ARFGEF3: variants seen among roughly 807,000 people sequenced by gnomAD.
ARFGEF3 encodes ARFGEF family member 3.
ARFGEF3 carries 96 observed loss-of-function variants against 221.7 expected under a neutral mutation model. That is an observed-to-expected ratio of 0.43 (90% CI 0.37 to 0.51). The LOEUF is 0.51. Ranked by LOEUF, ARFGEF3 falls within the 20% of genes least tolerant of loss-of-function variation. The probability of loss-of-function intolerance (pLI) is 0.00; values close to 1 mark genes in which losing one functional copy is unlikely to be tolerated. For synonymous variants in ARFGEF3, 1,145 were observed against 1,126.8 expected, an observed-to-expected ratio of 1.02 and a Z score of -0.32; for missense variants, 2,410 against 2,789.9, an observed-to-expected ratio of 0.86 and a Z score of 3.07.
chr6:138,271,107 G>A (rs868419971), intron 12 of ARFGEF3, among the ~76,000 whole-genome samples: 1 of 152,196 alleles, frequency 6.6e-6, no homozygotes, highest in African/African-American at 2.4e-5. Context: ...AATGGAGGAA[G>A]AGAAGTATTC....
intron 2 of ARFGEF3, among the ~76,000 whole-genome samples, chr6:138,186,652 G>T (rs2114458992): frequency 6.6e-6 from 1 of 152,288 alleles, no homozygotes; most frequent in South Asian, 2.1e-4. Context: ...TTAGACTCTT[G>T]TCACTGAGGA....
intron 12 of ARFGEF3, among the ~76,000 whole-genome samples, chr6:138,274,206 G>A (rs1583043527): frequency 2.0e-5 from 3 of 152,310 alleles, no homozygotes; most frequent in South Asian, 4.1e-4. Flanking sequence ...TATTACTGAT[G>A]TCTAAAATGA....
intron 2 of ARFGEF3, among the ~76,000 whole-genome samples, chr6:138,189,756 TCTC>T (rs1302329985): frequency 2.0e-5 from 3 of 152,146 alleles, no homozygotes; most frequent in South Asian, 2.1e-4. Flanking sequence ...CTAGATATCT[TCTC>T]CTCTTTGAAG....
At chr6:138,209,106 G>C (rs867742936) in intron 3 of ARFGEF3, among the ~76,000 whole-genome samples, 1 of 151,078 alleles carries the variant, frequency 6.6e-6, no homozygotes, top group Non-Finnish European at 1.5e-5. Flanking sequence ...TTGAGGTTTT[G>C]GGGGGGATGC....
chr6:138,327,201 T>C (rs1015743773), intron 31 of ARFGEF3, among the ~76,000 whole-genome samples: 1 of 152,194 alleles, frequency 6.6e-6, no homozygotes, highest in Non-Finnish European at 1.5e-5. Flanking sequence ...TAAGCCACCA[T>C]GACACATGTT....
chr6:138,213,916 T>A (rs915199499), intron 4 of ARFGEF3, among the ~76,000 whole-genome samples: 1 of 152,228 alleles, frequency 6.6e-6, no homozygotes, highest in Non-Finnish European at 1.5e-5. Flanking sequence ...GATGGTAACC[T>A]GACTTTGATA....
chr6:138,256,347 A>G (rs1327891321), intron 10 of ARFGEF3, among the ~76,000 whole-genome samples: 2 of 152,178 alleles, frequency 1.3e-5, no homozygotes, highest in East Asian at 3.9e-4. Flanking sequence ...TGCTTCAAAC[A>G]AAGATTCCTC....
intron 4 of ARFGEF3, chr6:138,217,369 G>A (rs1472230715): frequency 6.6e-6 from 1 of 152,146 alleles, no homozygotes; most frequent in South Asian, 2.1e-4. Flanking sequence ...TTTTCTATGT[G>A]TCAGGCACTG....
At chr6:138,193,465 G>A (rs774629546) in intron 2 of ARFGEF3, among the ~76,000 whole-genome samples, 2 of 152,286 alleles carry the variant, frequency 1.3e-5, no homozygotes, top group African/African-American at 2.4e-5. Flanking sequence ...GGCAGGAACC[G>A]TGTGTCTCAT....
intron 22 of ARFGEF3, among the ~76,000 whole-genome samples, chr6:138,306,006 G>T (rs1189878209): frequency 6.6e-6 from 1 of 152,032 alleles, no homozygotes; most frequent in Non-Finnish European, 1.5e-5. Context: ...ATTGTATAAA[G>T]AAATTAAAGA....
chr6:138,207,967 T>G (rs1173932500), intron 3 of ARFGEF3, among the ~76,000 whole-genome samples: 1 of 152,210 alleles, frequency 6.6e-6, no homozygotes, highest in Non-Finnish European at 1.5e-5. Flanking sequence ...TAATGTATAT[T>G]TTTATACACA....
intron 2 of ARFGEF3, among the ~76,000 whole-genome samples, chr6:138,175,916 C>T (rs1467858030): frequency 6.6e-6 from 1 of 152,234 alleles, no homozygotes; most frequent in East Asian, 1.9e-4. Context: ...TTTTATGAAT[C>T]TGGGTGCTCC....
chr6:138,312,944 A>G (rs1033097720), intron 25 of ARFGEF3, among the ~76,000 whole-genome samples: 6 of 152,174 alleles, frequency 3.9e-5, no homozygotes, highest in Non-Finnish European at 8.8e-5. Flanking sequence ...TCCAGATCTC[A>G]AGTGATCCGC....
At chr6:138,268,935 T>C (rs776175704) in intron 12 of ARFGEF3, among the ~76,000 whole-genome samples, 2 of 152,262 alleles carry the variant, frequency 1.3e-5, no homozygotes, top group Non-Finnish European at 2.9e-5. Flanking sequence ...AAGCTGACTG[T>C]AGCCCCTCAG....
At chr6:138,292,143 A>T in intron 19 of ARFGEF3, 90 bp downstream of exon 19, 1 of 1,100,398 alleles carries the variant, frequency 9.1e-7, no homozygotes, top group Non-Finnish European at 1.2e-6. Context: ...GGGACGACCC[A>T]TTTGTTAGCC....
Position 138,323,873 on chromosome 6 carries a change from A to C in ARFGEF3, c.4869+100A>C. 2.0e-6 allele frequency: 3 copies of C among 1,534,100 alleles called. No individual in the cohort carries two copies. In the East Asian group the frequency reaches 6.8e-5, roughly 35 times the overall value. On this transcript the variant is annotated intron_variant, in intron 30 of 33. Coordinates refer to ENST00000251691, the MANE Select transcript of ARFGEF3 (RefSeq NM_020340.5). The stretch of plus-strand genomic sequence containing the variant: ...CACATGGGTTCTGCCTCCTCTGAGC[A>C]GGCAGTCTCACTTTAGATCTTGCAG...
chr6:138,298,725 C>T lies in ARFGEF3; in HGVS notation c.3768C>T (p.Leu1256=). Residue 1256 remains leucine (L), a synonymous_variant, in exon 22 of 34, where the codon CTC becomes CTT. Transcript: ENST00000251691. ...CTCATTTTCACTTCAATGAAGCACT[C>T]TTCCGACCTTTCGAGCGCATTATGC... ...EPPHFHFNEA[L]FRPFERIMQL... is the part of the protein sequence containing the mutation. The T allele has an allele frequency of 6.2e-7, 1 of 1,613,586 alleles. No homozygotes were observed. The highest frequency in any genetic ancestry group is 8.5e-7 in the Non-Finnish European group (1 of 1,179,728).
At chr6:138,218,544 G>T in intron 4 of ARFGEF3, 1 of 1,310,008 alleles carries the variant, frequency 7.6e-7, no homozygotes. Flanking sequence ...CTCTTTAGCT[G>T]AGCCAATGTT....
chr6:138,267,850 C>A (rs1196102144), intron 12 of ARFGEF3, among the ~76,000 whole-genome samples: 1 of 152,200 alleles, frequency 6.6e-6, no homozygotes, highest in Admixed American at 6.5e-5. Flanking sequence ...ACGTAAAAAT[C>A]AATACATTGA....
Sources: gnomAD v4.1 joint callset for allele counts (sites outside exome capture counted in the v4.1 genomes callset) on GRCh38, gnomAD v4.1.1 for gene constraint, MANE v1.5 for transcripts, NCBI Gene and HGNC (gene_info 2026-07-23, HGNC 2026-07-21) for gene names.